Variants in PHRF1 observed in about 807,000 individuals in gnomAD.
PHRF1 encodes PHD and ring finger domains 1.
A neutral mutation model predicts 128.9 loss-of-function variants in PHRF1; 53 were observed. The ratio of observed to expected loss-of-function variants is 0.41; its 90% CI spans 0.33 to 0.52. The LOEUF (loss-of-function observed/expected upper bound fraction) is 0.52. Ranked by LOEUF, PHRF1 falls within the 20% of genes least tolerant of loss-of-function variation. The pLI, the probability that PHRF1 is intolerant of heterozygous loss-of-function variation, is 0.21. For missense variants in PHRF1, 2,503 were observed against 2,284.5 expected, an observed-to-expected ratio of 1.10 and a Z score of -1.95; for synonymous variants, 1,178 against 980.6, an observed-to-expected ratio of 1.20 and a Z score of -3.76.
chr11:593,830 C>T (rs921692238), intron 6 of PHRF1, among the ~76,000 whole-genome samples: 10 of 152,214 alleles, frequency 6.6e-5, no homozygotes, highest in Admixed American at 3.3e-4. Flanking sequence ...TGCTCACATT[C>T]GCAGACACCT....
rs1856110010 is a variant in PHRF1 at position 608,510 on chromosome 11, C to T, written c.3054C>T (p.Arg1018=). 2.1e-6 allele frequency: 3 copies of T among 1,448,034 alleles called. No individual in the cohort carries two copies. Among genetic ancestry groups the T allele is most frequent in the Non-Finnish European group, 2.8e-6 (3 of 1,074,860 alleles). The allele number at this position is 1,448,034 out of a possible 1,614,324, so 89.7% of individuals were successfully genotyped here. Residue 1018 remains arginine (R), a synonymous_variant, in exon 14 of 18, where the codon CGC becomes CGT. Transcript: ENST00000264555. The part of the protein sequence containing the change: ...KRVSREHGRT[R]SGTRSESRDR... The stretch of plus-strand genomic sequence containing the variant: ...TGTCCAGGGAGCACGGACGGACGCG[C>T]TCTGGGACGCGCTCTGAATCCAGGG...
Position 608,861 on chromosome 11 carries a change from C to T in PHRF1, c.3405C>T (p.His1135=), listed in dbSNP as rs1856145418. The T allele has an allele frequency of 8.7e-6, 14 of 1,612,380 alleles. No homozygotes were observed. Among genetic ancestry groups the T allele is most frequent in the South Asian group, 1.1e-5 (1 of 91,078 alleles). The stretch of plus-strand genomic sequence containing the variant: ...GCAGCCTGGAGAGGCTCTGCAGGCA[C>T]AAGCATCAGCGGGAACGCAGCCACG... ...PTSSLERLCR[H]KHQRERSHER... is the part of the protein sequence containing the mutation. The change falls in exon 14 of 18, where the codon CAC becomes CAT. Residue 1135 remains histidine, a synonymous_variant. Coordinates refer to ENST00000264555, the MANE Select transcript of PHRF1 (RefSeq NM_001286581.2).
At chr11:598,301 C>T in intron 8 of PHRF1, 72 bp from the exon 9 acceptor site, 4 of 1,532,108 alleles carry the variant, frequency 2.6e-6, no homozygotes, top group South Asian at 1.2e-5. Flanking sequence ...GTGTTCTGGG[C>T]TCCATTTGGG....
At chr11:610,023 C>T (rs1856265597) in intron 14 of PHRF1, among the ~76,000 whole-genome samples, 173 bp from the exon 15 acceptor site, 7 of 152,216 alleles carry the variant, frequency 4.6e-5, no homozygotes, top group Admixed American at 4.6e-4. Flanking sequence ...GGTCGGGGAT[C>T]AGTGGCTAGG....
At chr11:584,926 T>C (rs755806642) in intron 3 of PHRF1, among the ~76,000 whole-genome samples, 158 of 151,942 alleles carry the variant, frequency 1.0e-3, no homozygotes, top group Non-Finnish European at 1.3e-3. Context: ...TTATTCGAGA[T>C]GGGGTTTCAC....
intron 6 of PHRF1, among the ~76,000 whole-genome samples, chr11:593,225 T>C (rs138419215): frequency 2.7e-4 from 41 of 152,380 alleles, no homozygotes; most frequent in African/African-American, 9.6e-4. Flanking sequence ...AGATGCCCCC[T>C]TCCCCGTTAG....
At chr11:610,441 C>T (rs1589909138) in intron 15 of PHRF1, 60 bp from the exon 16 acceptor site, 13 of 1,561,648 alleles carry the variant, frequency 8.3e-6, no homozygotes, top group African/African-American at 5.4e-5. Flanking sequence ...GGCCTCACAG[C>T]TCCTGGGCAC....
Position 609,808 on chromosome 11 carries a change from A to G in PHRF1, c.4264+88A>G, listed in dbSNP as rs188736063. On this transcript the variant is annotated intron_variant, in intron 14 of 17. Coordinates refer to ENST00000264555, the MANE Select transcript of PHRF1 (RefSeq NM_001286581.2). ...CCGAGGACAGAGCCCCCCGTGAGTA[A>G]GGCCCCGGCCTCCACCGAGGACAGA... 1,112 of 857,490 alleles carry G rather than the reference A, an allele frequency of 1.3e-3. 7 individuals are homozygous for G. In the African/African-American group the frequency reaches 0.017, roughly 13 times the overall value. 53.1% of individuals were successfully genotyped at this position (857,490 alleles called of 1,614,324 possible). A position where few individuals can be genotyped will look rare whatever the true frequency, so the allele number is the denominator to read the frequency against.
At position 609,383 on chromosome 11, in the gene PHRF1, GC is replaced by G; in HGVS notation, c.3932del (p.Pro1311GlnfsTer15). 1 of 1,611,512 alleles carries G rather than the reference GC, an allele frequency of 6.2e-7. No individual in the cohort carries two copies. Reference sequence around the variant, plus strand: ...GAGACTTCCCACTGAAGCCTGCGTTGCCCCCAGCCAGCCTGGCCGTGGCCGC... The same window carrying G: ...GAGACTTCCCACTGAAGCCTGCGTTGCCCCAGCCAGCCTGGCCGTGGCCGC... The part of the protein sequence containing the change: ...ERDFPLKPAL[P>X]PASLAVAAIQ... On this transcript the variant is annotated frameshift_variant, in exon 14 of 18. Coordinates refer to ENST00000264555, the MANE Select transcript of PHRF1 (RefSeq NM_001286581.2). LOFTEE classifies it high-confidence loss of function.
rs1564874190 is a variant in PHRF1 at position 610,779 on chromosome 11, C to T, written c.4677+18C>T. On this transcript the variant is annotated intron_variant, in intron 16 of 17. Coordinates refer to ENST00000264555, the MANE Select transcript of PHRF1 (RefSeq NM_001286581.2). ...AGGAGGAGGTGAGTCCTGCCTCCTC[C>T]CACTTTCCCCATGTTCCCATCTTAC... 1.0e-5 allele frequency: 16 copies of T among 1,596,744 alleles called. No homozygotes were observed. Among genetic ancestry groups the T allele is most frequent in the Non-Finnish European group, 1.4e-5 (16 of 1,175,998 alleles).
Position 598,390 on chromosome 11 carries a change from C to T in PHRF1, c.912C>T (p.Leu304=), listed in dbSNP as rs1261106566. Residue 304 remains leucine, a synonymous_variant, in exon 9 of 18, where the codon CTC becomes CTT. Transcript: ENST00000264555. The part of the protein sequence containing the change: ...ARRVQHTPGR[L]GSSLLDEAIE... ...GCCTGTAGCACACACCAGGGCGCCT[C>T]GGGTCTTCCCTGCTGGATGAAGCCA... 13 of 1,609,954 alleles carry T rather than the reference C, an allele frequency of 8.1e-6. No homozygotes were observed. The highest frequency in any genetic ancestry group is 3.3e-5 in the Admixed American group (2 of 59,956).
chr11:594,748 C>CA (rs1855183796), intron 6 of PHRF1, among the ~76,000 whole-genome samples: 1 of 152,208 alleles, frequency 6.6e-6, no homozygotes, highest in Non-Finnish European at 1.5e-5. Context: ...AGGCGTGAGC[C>CA]ACTATGCCCA....
chr11:605,467 G>T, intron 11 of PHRF1, 138 bp from the exon 12 acceptor site: 1 of 1,478,384 alleles, frequency 6.8e-7, no homozygotes, highest in Non-Finnish European at 9.1e-7. Flanking sequence ...GGAACTCAGA[G>T]GTCTGGTTCG....
intron 4 of PHRF1, among the ~76,000 whole-genome samples, chr11:590,724 A>C (rs1052555236): frequency 6.6e-6 from 1 of 151,954 alleles, no homozygotes; most frequent in Non-Finnish European, 1.5e-5. Context: ...TTTTTTTGAG[A>C]TGGAGTTTGG....
intron 6 of PHRF1, among the ~76,000 whole-genome samples, chr11:596,222 G>C (rs1440239182): frequency 6.6e-6 from 1 of 152,174 alleles, no homozygotes; most frequent in African/African-American, 2.4e-5. Context: ...AAGTTTCAAG[G>C]ATCTTTGCAT....
At chr11:592,045 A>C (rs1168670160) in intron 5 of PHRF1, among the ~76,000 whole-genome samples, 1 of 151,648 alleles carries the variant, frequency 6.6e-6, no homozygotes, top group Non-Finnish European at 1.5e-5. Flanking sequence ...CCTCCCGAGT[A>C]GCTGGGACTA....
rs1366214915 is a variant in PHRF1, at chr11:607,735, C to T, written c.2279C>T (p.Ala760Val). 2.5e-6 allele frequency: 4 copies of T among 1,611,900 alleles called. No homozygotes were observed. The highest frequency in any genetic ancestry group is 2.7e-5 in the African/African-American group (2 of 74,926). ...GCCCCCAGCTCCCATGGCAGTTTGG[C>T]CCCACTGGGACCATCAAGAGGGAAA... Reference protein sequence around the residue: ...PPAPSSHGSLAPLGPSRGKGV... With the variant: ...PPAPSSHGSLVPLGPSRGKGV... Residue 760 changes from alanine to valine, a missense_variant, in exon 14 of 18, where the codon GCC (alanine) becomes GTC (valine). Physicochemically the swap from Ala to Val is moderately conservative, Grantham distance 64. Coordinates refer to ENST00000264555, the MANE Select transcript of PHRF1 (RefSeq NM_001286581.2).
chr11:608,934 A>C lies in PHRF1; in HGVS notation c.3478A>C (p.Lys1160Gln). 6.2e-7 allele frequency: 1 copy of C among 1,611,172 alleles called. No individual in the cohort carries two copies. The highest frequency in any genetic ancestry group is 8.5e-7 in the Non-Finnish European group (1 of 1,179,528). Residue 1160 changes from lysine (K) to glutamine (Q), a missense_variant, in exon 14 of 18, where the codon AAG (lysine) becomes CAG (glutamine). Coordinates refer to ENST00000264555, the MANE Select transcript of PHRF1 (RefSeq NM_001286581.2). ...TGTGGCGTGGCCCCGAGACCGGAGG[A>C]AGCGGAGGTCCCGGTCCCCAAGCTC... Reference protein sequence around the residue: ...ESVAWPRDRRKRRSRSPSSEH... With the variant: ...ESVAWPRDRRQRRSRSPSSEH...
At chr11:596,733 C>T (rs1245567989) in intron 6 of PHRF1, among the ~76,000 whole-genome samples, 190 bp from the exon 7 acceptor site, 3 of 152,216 alleles carry the variant, frequency 2.0e-5, no homozygotes, top group South Asian at 2.1e-4. Context: ...TTAAAGGTTC[C>T]ATGTCTATCT....
Sources: allele counts gnomAD v4.1 joint callset (sites outside exome capture counted in the v4.1 genomes callset), GRCh38; gene constraint gnomAD v4.1.1; transcripts MANE v1.5; gene names NCBI Gene and HGNC (gene_info 2026-07-23, HGNC 2026-07-21).